Variants in RAB44 observed in about 807,000 individuals in gnomAD.
The protein encoded by RAB44 is RAB44, member RAS oncogene family.
A neutral mutation model predicts 93.3 loss-of-function variants in RAB44; 67 were observed. The ratio of observed to expected loss-of-function variants is 0.72; its 90% CI spans 0.59 to 0.88. The LOEUF is 0.88. RAB44 is among the 40% of genes least tolerant of loss of function. The pLI is 0.00. For missense variants in RAB44, 1,064 were observed against 1,261.7 expected, an observed-to-expected ratio of 0.84 and a Z score of 2.37; for synonymous variants, 427 against 520.3, an observed-to-expected ratio of 0.82 and a Z score of 2.44.
chr6:36,704,118 C>T, intron 1 of RAB44, 106 bp from the exon 2 acceptor site: 1 of 1,049,016 alleles, frequency 9.5e-7, no homozygotes, highest in African/African-American at 1.6e-5. Flanking sequence ...CTTTGGCAGC[C>T]ACAGTGGATT....
intron 1 of RAB44, among the ~76,000 whole-genome samples, chr6:36,698,388 G>T (rs1762433743): frequency 6.6e-6 from 1 of 152,222 alleles, no homozygotes; most frequent in Non-Finnish European, 1.5e-5. Context: ...CCCATGCCAG[G>T]TTGTAATCTG....
Position 36,722,585 on chromosome 6 carries a change from G to T in RAB44, c.2451G>T (p.Pro817=), listed in dbSNP as rs920670903. Residue 817 remains proline, a synonymous_variant, in exon 9 of 14, where the codon CCG becomes CCT. Transcript: ENST00000612677. ...DSREAGLTPS[P]GDPMAGGGPQ... ...GGGAAGCTGGGCTGACCCCATCCCC[G>T]GGAGACCCCATGGCTGGAGGGGGAC... The T allele has an allele frequency of 2.8e-5, 44 of 1,550,252 alleles. No homozygotes were observed. The highest frequency in any genetic ancestry group is 3.7e-5 in the Non-Finnish European group (42 of 1,146,872).
In RAB44 at chr6:36,727,686, C is replaced by T; in HGVS notation, c.2791C>T (p.Leu931Phe). 3.9e-6 allele frequency: 6 copies of T among 1,549,036 alleles called. No homozygotes were observed. Among genetic ancestry groups the T allele is most frequent in the Non-Finnish European group, 5.2e-6 (6 of 1,145,564 alleles). ...FAHVRYWLDC[L>F]QDAGSDGVVI... ...CCACGTGCGCTACTGGCTAGACTGT[C>T]TCCAGGTGAGCAGATGGCTGCTGGG... The change falls in exon 11 of 14, where the codon CTC becomes TTC. Residue 931 changes from leucine to phenylalanine, a missense_variant. Transcript: ENST00000612677.
rs1335485081 is a variant in RAB44 at position 36,732,241 on chromosome 6, AG to A, written c.*151del. Reference sequence around the variant, plus strand: ...CAACTCAGGACTCGGATCCCAGAGCAGGGCCGCATCACCTCTGCCTTTCACA... The same window carrying A: ...CAACTCAGGACTCGGATCCCAGAGCAGGCCGCATCACCTCTGCCTTTCACA... On this transcript the variant is annotated 3_prime_UTR_variant, in exon 14 of 14. Transcript: ENST00000612677. The A allele has an allele frequency of 2.4e-6, 1 of 424,292 alleles. No homozygotes were observed. The highest frequency in any genetic ancestry group is 4.0e-6 in the Non-Finnish European group (1 of 251,630). 26.3% of individuals were successfully genotyped at this position (424,292 alleles called of 1,614,324 possible).
intron 2 of RAB44, among the ~76,000 whole-genome samples, chr6:36,706,771 G>C (rs1303392401): frequency 1.3e-5 from 2 of 151,248 alleles, no homozygotes; most frequent in African/African-American, 4.9e-5. Context: ...CTTTCACCTA[G>C]GCTGGAGTGC....
intron 1 of RAB44, among the ~76,000 whole-genome samples, chr6:36,701,666 C>T (rs1762511574): frequency 6.6e-6 from 1 of 152,178 alleles, no homozygotes; most frequent in Non-Finnish European, 1.5e-5. Flanking sequence ...ACCTGACACA[C>T]AGGTATGCTG....
At chr6:36,719,524 A>T (rs236484) in intron 7 of RAB44, among the ~76,000 whole-genome samples, 77,265 of 152,122 alleles carry the variant, frequency 0.51, 21,215 homozygotes, top group Non-Finnish European at 0.63. Context: ...GACAGACACA[A>T]ACCTCTGCCC....
chr6:36,730,424 C>A (rs1251028222), intron 12 of RAB44, among the ~76,000 whole-genome samples: 3 of 152,222 alleles, frequency 2.0e-5, no homozygotes, highest in Non-Finnish European at 4.4e-5. Flanking sequence ...CCATGCCACT[C>A]CGAAGGCTGT....
At position 36,732,013 on chromosome 6, in the gene RAB44, A is replaced by T; in HGVS notation, c.2986A>T (p.Met996Leu). ...PVVNLARSLR[M>L]QEEGLKDSLV... ...GGCACTGTCACATAGGTCACTCAGGATGCAAGAAGAAGGCCTGAAGGACTC... is the reference window on the plus strand; with the variant it reads ...GGCACTGTCACATAGGTCACTCAGGTTGCAAGAAGAAGGCCTGAAGGACTC... Residue 996 changes from methionine (M) to leucine (L), a missense_variant, in exon 14 of 14, where the codon ATG becomes TTG. Met to Leu is a conservative substitution (Grantham distance 15, BLOSUM62 2). Transcript: ENST00000612677. 4.9e-6 allele frequency: 6 copies of T among 1,234,278 alleles called. No homozygotes were observed. The highest frequency in any genetic ancestry group is 6.1e-6 in the Non-Finnish European group (6 of 988,222). The allele number at this position is 1,234,278 out of a possible 1,614,324, so 76.5% of individuals were successfully genotyped here. A position where few individuals can be genotyped will look rare whatever the true frequency, so the allele number is the denominator to read the frequency against.
rs759032028 is a variant in RAB44, at chr6:36,722,726, T to C, written c.2592T>C (p.Ala864=). The C allele has an allele frequency of 5.9e-5, 91 of 1,550,474 alleles. No individual in the cohort carries two copies. Among genetic ancestry groups the C allele is most frequent in the Non-Finnish European group, 7.6e-5 (87 of 1,147,000 alleles). ...HQNSFATGLT[A]TVGVDFRVKT... ...ATTCTTTCGCCACCGGATTGACAGC[T>C]ACCGTGGGTAAGGGCATTGGGGAGG... The change falls in exon 9 of 14, where the codon GCT becomes GCC. Residue 864 remains alanine (A), a synonymous_variant. Transcript: ENST00000612677.
intron 12 of RAB44, 99 bp downstream of exon 12, chr6:36,728,900 G>A: frequency 1.0e-6 from 1 of 996,554 alleles, no homozygotes; most frequent in Non-Finnish European, 1.5e-6. Flanking sequence ...CAGCCGAGAA[G>A]AACCCGTGGC....
chr6:36,714,056 A>T, intron 3 of RAB44, 117 bp downstream of exon 3: 1 of 679,202 alleles, frequency 1.5e-6, no homozygotes, highest in Non-Finnish European at 2.6e-6. Flanking sequence ...TTCACCCCCC[A>T]TCCCCGGCTG....
At chr6:36,698,536 C>G (rs746786168) in intron 1 of RAB44, among the ~76,000 whole-genome samples, 73 of 152,088 alleles carry the variant, frequency 4.8e-4, no homozygotes, top group Non-Finnish European at 7.3e-4. Context: ...TTCATTTGCT[C>G]TCATGTTTGG....
In RAB44 at chr6:36,731,140, T is replaced by TAC. The variant is rs144806629; in HGVS notation, c.2975+403_2975+404dup. Among the ~76,000 whole-genome samples the TAC allele has an allele frequency of 2.6e-5, 4 of 151,048 alleles. No homozygotes were observed. Among genetic ancestry groups the TAC allele is most frequent in the Admixed American group, 6.6e-5 (1 of 15,138 alleles). ...TCTCTAGTGCCATCTCCCCCACCCC[T>TAC]ACACACACACACATTCACTCACACC... On this transcript the variant is annotated intron_variant, in intron 13 of 13. Coordinates refer to ENST00000612677, the MANE Select transcript of RAB44 (RefSeq NM_001257357.2). This position sits in a 1 kb window ranked among gnomAD's most constrained non-coding sequence, Gnocchi z 4.0.
At chr6:36,703,632 C>T (rs769004324) in intron 1 of RAB44, among the ~76,000 whole-genome samples, 9 of 151,914 alleles carry the variant, frequency 5.9e-5, no homozygotes, top group African/African-American at 1.5e-4. Context: ...CCCTAAGAGC[C>T]GCATAGGGGT....
chr6:36,700,371 T>A (rs1329860908), intron 1 of RAB44, among the ~76,000 whole-genome samples: 1 of 152,254 alleles, frequency 6.6e-6, no homozygotes. Flanking sequence ...CCTCCTTTTC[T>A]GCATCTCCAG....
intron 8 of RAB44, 141 bp from the exon 9 acceptor site, chr6:36,721,010 G>C (rs1255964461): frequency 1.4e-6 from 1 of 721,606 alleles, no homozygotes; most frequent in Non-Finnish European, 1.9e-6. Context: ...GCACATACCA[G>C]GTGAGAAAGA....
rs1042855156 is a variant in RAB44, at chr6:36,725,855, G to A, written c.2600-7G>A. ...TAGTAGGCTTCACCCCTCTCTATGT[G>A]TCCTAGGAGTAGATTTTCGGGTCAA... On this transcript the variant is annotated splice_region_variant and splice_polypyrimidine_tract_variant and intron_variant, in intron 9 of 13. Coordinates refer to ENST00000612677, the MANE Select transcript of RAB44 (RefSeq NM_001257357.2). 3.2e-6 allele frequency: 5 copies of A among 1,548,894 alleles called. No homozygotes were observed. The African/African-American group carries it at 4.1e-5, about 13-fold the overall frequency.
At chr6:36,720,334 TTC>T (rs1763040443) in intron 7 of RAB44, 27 bp from the exon 8 acceptor site, 1 of 1,232,058 alleles carries the variant, frequency 8.1e-7, no homozygotes, top group Non-Finnish European at 1.0e-6. Flanking sequence ...GCATCTGGGC[TTC>T]TCTCCGCCTC....
Sources: allele counts gnomAD v4.1 joint callset (sites outside exome capture counted in the v4.1 genomes callset), GRCh38; gene constraint gnomAD v4.1.1; non-coding constraint Gnocchi (gnomAD v3.1); transcripts MANE v1.5; gene names NCBI Gene and HGNC (gene_info 2026-07-23, HGNC 2026-07-21).